The following DGKB variants were observed in gnomAD, a reference collection of about 807,000 sequenced individuals.
DGKB encodes 90 kDa diacylglycerol kinase.
In DGKB, 67 loss-of-function variants were observed where a neutral mutation model predicts 114.3. That is an observed-to-expected ratio of 0.59 (90% confidence interval 0.48 to 0.72). The LOEUF is 0.72. Ranked by LOEUF, DGKB falls within the 30% of genes least tolerant of loss-of-function variation. The pLI is 0.00. For synonymous variants in DGKB, 398 were observed against 323.1 expected, an observed-to-expected ratio of 1.23 and a Z score of -2.49; for missense variants, 907 against 975.2, an observed-to-expected ratio of 0.93 and a Z score of 0.93.
chr7:14,339,163 TCA>T (rs886418513), intron 22 of DGKB, among the ~76,000 whole-genome samples: 9 of 151,308 alleles, frequency 5.9e-5, no homozygotes, highest in African/African-American at 2.2e-4. Flanking sequence ...CCTCATGGTC[TCA>T]CACCTTTGGG....
At chr7:14,920,084 G>T (rs998817064) in intron 1 of DGKB, among the ~76,000 whole-genome samples, 1 of 152,038 alleles carries the variant, frequency 6.6e-6, no homozygotes, top group Non-Finnish European at 1.5e-5. Flanking sequence ...GAAAATCTAG[G>T]TAACTTTGTG....
chr7:14,253,617 A>AG (rs1335989345), intron 23 of DGKB, among the ~76,000 whole-genome samples: 1 of 152,136 alleles, frequency 6.6e-6, no homozygotes, highest in Non-Finnish European at 1.5e-5. Context: ...TCTTACCCTC[A>AG]GGGGGATTAG....
intron 2 of DGKB, among the ~76,000 whole-genome samples, chr7:14,781,257 T>C (rs1336813742): frequency 6.6e-6 from 1 of 152,240 alleles, no homozygotes; most frequent in Non-Finnish European, 1.5e-5. Context: ...TTTGTGTATT[T>C]CACTCCTACA....
intron 1 of DGKB, among the ~76,000 whole-genome samples, chr7:14,898,603 T>C (rs1782487587): frequency 6.6e-6 from 1 of 152,064 alleles, no homozygotes; most frequent in Admixed American, 6.6e-5. Context: ...AGGGAGCCAA[T>C]GAGCAAGAGA....
At position 14,628,875 on chromosome 7, in the gene DGKB, G is replaced by GA. The variant is rs1240039713; in HGVS notation, c.1167+1360dup. 4.6e-5 allele frequency among the ~76,000 whole-genome samples: 7 copies of GA among 151,522 alleles called. No homozygotes were observed. In the East Asian group the frequency reaches 1.2e-3, roughly 25 times the overall value. On this transcript the variant is annotated intron_variant, in intron 14 of 25. Coordinates refer to ENST00000402815, the MANE Select transcript of DGKB (RefSeq NM_001350709.2). ...TAATGTAAACCAATATATAGTGCCA[G>GA]AAAAAAATAACTATAGGAAGACTTT...
At chr7:14,700,617 A>T (rs1825003280) in intron 7 of DGKB, among the ~76,000 whole-genome samples, 1 of 152,104 alleles carries the variant, frequency 6.6e-6, no homozygotes, top group Non-Finnish European at 1.5e-5. Context: ...ATATATTTTA[A>T]TCTCTCTCTG....
chr7:14,826,999 G>A (rs1451944056), intron 2 of DGKB, among the ~76,000 whole-genome samples: 1 of 152,038 alleles, frequency 6.6e-6, no homozygotes, highest in Non-Finnish European at 1.5e-5. Context: ...TAGCCCTGAA[G>A]GTACGTGATG....
chr7:14,449,430 T>C (rs968338597), intron 21 of DGKB, among the ~76,000 whole-genome samples: 5 of 151,980 alleles, frequency 3.3e-5, no homozygotes, highest in African/African-American at 1.2e-4. Flanking sequence ...GTTATGCCTG[T>C]TTGTATCATT....
chr7:14,659,797 C>T (rs1423169547), intron 13 of DGKB, among the ~76,000 whole-genome samples: 1 of 151,062 alleles, frequency 6.6e-6, no homozygotes, highest in Non-Finnish European at 1.5e-5. Flanking sequence ...GAGAGGGCAT[C>T]CCTGTCTTGT....
chr7:14,343,354 G>C (rs1005901490), intron 22 of DGKB, among the ~76,000 whole-genome samples: 1 of 151,772 alleles, frequency 6.6e-6, no homozygotes, highest in African/African-American at 2.4e-5. Context: ...ACATAACTTA[G>C]TTCTAGTAGC....
intron 1 of DGKB, among the ~76,000 whole-genome samples, chr7:14,875,728 C>T (rs1317350480): frequency 6.6e-6 from 1 of 152,148 alleles, no homozygotes; most frequent in Non-Finnish European, 1.5e-5. Context: ...GCTTTTCTAA[C>T]CCACGTTGGG....
chr7:14,435,844 G>C lies in DGKB; in HGVS notation c.1835+42317C>G, dbSNP rs183455172. 3.6e-4 allele frequency among the ~76,000 whole-genome samples: 54 copies of C among 152,018 alleles called. 1 individual carries two copies. Among genetic ancestry groups the C allele is most frequent in the African/African-American group, 1.2e-3 (48 of 41,492 alleles). ...TTTATTATTTACAAAACTATTTTTG[G>C]AAATATGTTCTGAGCTTCCAACAAC... On this transcript the variant is annotated intron_variant, in intron 21 of 25. Transcript: ENST00000402815.
chr7:14,852,487 C>CAAAAAAAAAAAACAAAAA, intron 1 of DGKB, among the ~76,000 whole-genome samples: 1 of 63,634 alleles, frequency 1.6e-5, no homozygotes, highest in East Asian at 5.0e-4. Flanking sequence ...TAGTGAAAGT[C>CAAAAAAAAAAAACAAAAA]AAAAAAAAAA....
intron 23 of DGKB, among the ~76,000 whole-genome samples, chr7:14,323,608 T>C (rs1340309856): frequency 6.6e-6 from 1 of 152,168 alleles, no homozygotes; most frequent in Admixed American, 6.5e-5. Context: ...CCATGGAAAG[T>C]CATATTAAGA....
At chr7:14,605,462 A>T (rs934947960) in intron 17 of DGKB, among the ~76,000 whole-genome samples, 2 of 151,068 alleles carry the variant, frequency 1.3e-5, no homozygotes, top group South Asian at 2.1e-4. Context: ...TGTGTATTAG[A>T]TTGGGAAGCT....
intron 10 of DGKB, among the ~76,000 whole-genome samples, chr7:14,683,305 T>G (rs771238046): frequency 6.6e-6 from 1 of 152,164 alleles, no homozygotes; most frequent in Non-Finnish European, 1.5e-5. Flanking sequence ...AATGGCTGAT[T>G]AGTCTATTTC....
intron 21 of DGKB, among the ~76,000 whole-genome samples, chr7:14,429,815 G>C (rs1174620188): frequency 6.6e-6 from 1 of 152,074 alleles, no homozygotes; most frequent in Non-Finnish European, 1.5e-5. Context: ...CAGCTACTCG[G>C]AAGCCTGAGG....
chr7:14,578,942 G>A (rs1248825122), intron 19 of DGKB, among the ~76,000 whole-genome samples: 2 of 151,902 alleles, frequency 1.3e-5, no homozygotes, highest in African/African-American at 4.8e-5. Context: ...ATCCCTAATT[G>A]CCCACCATGC....
intron 20 of DGKB, among the ~76,000 whole-genome samples, chr7:14,546,927 C>T (rs1283350256): frequency 6.6e-6 from 1 of 152,116 alleles, no homozygotes; most frequent in Non-Finnish European, 1.5e-5. Flanking sequence ...TCTTTCTGTA[C>T]TTAGTCTAAT....
Sources: gnomAD v4.1 joint callset for allele counts (sites outside exome capture counted in the v4.1 genomes callset) on GRCh38, gnomAD v4.1.1 for gene constraint, MANE v1.5 for transcripts, NCBI Gene and HGNC (gene_info 2026-07-23, HGNC 2026-07-21) for gene names.